Variants in LINGO1 observed in about 807,000 individuals in gnomAD.
LINGO1 encodes leucine rich repeat and Ig domain containing 1.
A neutral mutation model predicts 37.3 loss-of-function variants in LINGO1; 11 were observed. That is an observed-to-expected ratio of 0.29 (90% CI 0.19 to 0.49). The LOEUF (loss-of-function observed/expected upper bound fraction) is 0.49, where lower values mean the gene tolerates loss of function less well. Among genes scored for constraint, LINGO1 ranks in the 20% least tolerant of loss-of-function variants. The pLI is 0.99. For missense variants in LINGO1, 585 were observed against 878.2 expected (o/e 0.67, Z 4.22); for synonymous variants, 387 against 403.0 (o/e 0.96, Z 0.48).
intron 3 of LINGO1, chr15:77,651,739 G>A (rs1225792152): frequency 1.3e-5 from 2 of 152,230 alleles, no homozygotes; most frequent in African/African-American, 4.8e-5. Context: ...CTTGATCGAT[G>A]AGCAACTCCA....
chr15:77,664,150 T>TGCGCGC (rs2075062374), intron 3 of LINGO1, among the ~76,000 whole-genome samples: 1 of 133,642 alleles, frequency 7.5e-6, no homozygotes, highest in Non-Finnish European at 1.6e-5. Flanking sequence ...TGTGTGTGTG[T>TGCGCGC]GTGTGTGTGT....
intron 1 of LINGO1, among the ~76,000 whole-genome samples, chr15:77,819,009 T>G (rs1596258645): frequency 6.7e-6 from 1 of 150,364 alleles, no homozygotes; most frequent in African/African-American, 2.5e-5. Flanking sequence ...ACAAACTTGC[T>G]GCAAGTCGTC....
At chr15:77,746,476 G>C (rs933266472) in intron 1 of LINGO1, among the ~76,000 whole-genome samples, 8 of 152,170 alleles carry the variant, frequency 5.3e-5, no homozygotes, top group Non-Finnish European at 1.2e-4. Flanking sequence ...AGCCAGCCCT[G>C]ATTGCCCCAG....
intron 1 of LINGO1, among the ~76,000 whole-genome samples, chr15:77,779,520 G>C (rs892998420): frequency 6.6e-6 from 1 of 151,946 alleles, no homozygotes; most frequent in Non-Finnish European, 1.5e-5. Flanking sequence ...GATGATGGGA[G>C]ACAGTCACAG....
At chr15:77,745,192 C>T (rs550031842) in intron 1 of LINGO1, among the ~76,000 whole-genome samples, 11 of 150,550 alleles carry the variant, frequency 7.3e-5, no homozygotes, top group African/African-American at 2.5e-4. Flanking sequence ...CTTTGGAAGG[C>T]GAGGCAGGCG....
intron 3 of LINGO1, among the ~76,000 whole-genome samples, chr15:77,640,363 G>C (rs1387814461): frequency 6.6e-6 from 1 of 152,214 alleles, no homozygotes; most frequent in Non-Finnish European, 1.5e-5. Context: ...ACGTAATTCA[G>C]TATGGTTCAA....
At chr15:77,670,032 A>T (rs2075220524) in intron 3 of LINGO1, among the ~76,000 whole-genome samples, 1 of 152,256 alleles carries the variant, frequency 6.6e-6, no homozygotes, top group Non-Finnish European at 1.5e-5. Context: ...TGAAGTACTG[A>T]TACACACACA....
chr15:77,632,878 C>G lies in LINGO1; in HGVS notation c.-563G>C, dbSNP rs1014641569. ...GCTCCCGCGCCGGCTCCCGCTCGGG[C>G]TCCGCGCTCTGCAGCGGCGCGGGGA... On this transcript the variant is annotated 5_prime_UTR_variant, in exon 1 of 2. Transcript: ENST00000355300. The surrounding 1 kb of genome is among the most constrained non-coding windows in gnomAD (Gnocchi z 6.0). Among the ~76,000 whole-genome samples the G allele has an allele frequency of 6.7e-6, 1 of 150,316 alleles. No homozygotes were observed. The highest frequency in any genetic ancestry group is 1.5e-5 in the Non-Finnish European group (1 of 67,354).
In LINGO1 at chr15:77,614,713, C is replaced by A; in HGVS notation, c.1194G>T (p.Thr398=). 1.9e-6 allele frequency: 3 copies of A among 1,607,278 alleles called. No individual in the cohort carries two copies. Among genetic ancestry groups the A allele is most frequent in the Non-Finnish European group, 2.5e-6 (3 of 1,176,968 alleles). ...NFNRQQPTCA[T]PEFVQGKEFK... ...ACTCCTTGCCCTGGACAAACTCGGG[C>A]GTGGCGCACGTGGGCTGCTGCCGGT... Residue 398 remains threonine, a synonymous_variant, in exon 2 of 2, where the codon ACG becomes ACT. Transcript: ENST00000355300.
chr15:77,771,617 T>C (rs140455992), intron 1 of LINGO1, among the ~76,000 whole-genome samples: 28 of 152,214 alleles, frequency 1.8e-4, no homozygotes, highest in Non-Finnish European at 3.8e-4. Flanking sequence ...CCCCACCAAG[T>C]TCCGTAGATA....
At chr15:77,738,186 G>C (rs1243953276) in intron 1 of LINGO1, among the ~76,000 whole-genome samples, 1 of 152,048 alleles carries the variant, frequency 6.6e-6, no homozygotes, top group Non-Finnish European at 1.5e-5. Context: ...GCCCTGGCCA[G>C]CTCTTGCCTG....
At chr15:77,801,436 G>C (rs1055121053) in intron 1 of LINGO1, among the ~76,000 whole-genome samples, 4 of 152,174 alleles carry the variant, frequency 2.6e-5, no homozygotes, top group African/African-American at 9.7e-5. Context: ...ACGATTTGTT[G>C]CTATATGCCC....
intron 1 of LINGO1, among the ~76,000 whole-genome samples, chr15:77,802,320 C>T (rs1292576527): frequency 6.6e-6 from 1 of 152,098 alleles, no homozygotes; most frequent in East Asian, 1.9e-4. Context: ...AGCAAAGAGA[C>T]AGCATGTGTG....
At chr15:77,777,661 T>G (rs1365320792) in intron 1 of LINGO1, among the ~76,000 whole-genome samples, 1 of 152,166 alleles carries the variant, frequency 6.6e-6, no homozygotes, top group African/African-American at 2.4e-5. Context: ...GCTCAGTGGC[T>G]CATGCCTGTA....
At chr15:77,754,463 C>T (rs904812656) in intron 1 of LINGO1, among the ~76,000 whole-genome samples, 3 of 152,244 alleles carry the variant, frequency 2.0e-5, no homozygotes, top group African/African-American at 7.2e-5. Flanking sequence ...ATAACAATCA[C>T]TCTGATTTGC....
intron 1 of LINGO1, among the ~76,000 whole-genome samples, chr15:77,760,326 C>T (rs1487046171): frequency 6.6e-6 from 1 of 152,232 alleles, no homozygotes; most frequent in Admixed American, 6.5e-5. Context: ...CTCCCGTCCC[C>T]CAGCCCCACC....
Position 77,613,734 on chromosome 15 carries a change from TAC to T in LINGO1, c.*308_*309del. ...AATCCATAATTATTGAAACCCAAGT[TAC>T]AGAGAAAGTTCGTAACTTTTTTATT... On this transcript the variant is annotated 3_prime_UTR_variant, in exon 2 of 2. Transcript: ENST00000355300. The T allele has an allele frequency of 8.4e-6, 3 of 358,612 alleles. No individual in the cohort carries two copies. The highest frequency in any genetic ancestry group is 1.5e-5 in the Non-Finnish European group (3 of 197,612). The allele number at this position is 358,612 out of a possible 1,614,324, so 22.2% of individuals were successfully genotyped here.
At chr15:77,768,345 G>A (rs970612764) in intron 1 of LINGO1, among the ~76,000 whole-genome samples, 6 of 152,136 alleles carry the variant, frequency 3.9e-5, no homozygotes, top group Non-Finnish European at 5.9e-5. Flanking sequence ...GTCTGCCCCC[G>A]CCAGAGGCCT....
chr15:77,643,499 G>T (rs967667394), intron 3 of LINGO1, among the ~76,000 whole-genome samples: 2 of 152,216 alleles, frequency 1.3e-5, no homozygotes. Flanking sequence ...GTTGGATGGC[G>T]GGAGGGAAAG....
Sources: allele counts gnomAD v4.1 joint callset (sites outside exome capture counted in the v4.1 genomes callset), GRCh38; gene constraint gnomAD v4.1.1; non-coding constraint Gnocchi (gnomAD v3.1); transcripts MANE v1.5; gene names NCBI Gene and HGNC (gene_info 2026-07-23, HGNC 2026-07-21).